FGD4: variants seen among roughly 807,000 people sequenced by gnomAD.
The protein encoded by FGD4 is FYVE, RhoGEF and PH domain-containing protein 4.
In FGD4, 42 loss-of-function variants were observed where a neutral mutation model predicts 102.0. The ratio of observed to expected loss-of-function variants is 0.41; its 90% CI spans 0.32 to 0.53. FGD4 has a LOEUF of 0.53. Ranked by LOEUF, FGD4 falls within the 20% of genes least tolerant of loss-of-function variation. The pLI, the probability that FGD4 is intolerant of heterozygous loss-of-function variation, is 0.21. For synonymous variants in FGD4, 380 were observed against 375.7 expected, an observed-to-expected ratio of 1.01 and a Z score of -0.13; for missense variants, 902 against 1,078.2, an observed-to-expected ratio of 0.84 and a Z score of 2.29.
intron 4 of FGD4, among the ~76,000 whole-genome samples, chr12:32,595,853 A>G (rs1947849459): frequency 2.0e-5 from 3 of 152,198 alleles, no homozygotes; most frequent in South Asian, 2.1e-4. Context: ...AAACACTATT[A>G]TATTGCTATA....
At chr12:32,447,731 G>A (rs965888862) in intron 1 of FGD4, among the ~76,000 whole-genome samples, 3 of 152,222 alleles carry the variant, frequency 2.0e-5, no homozygotes, top group African/African-American at 4.8e-5. Flanking sequence ...TTAGAGAAGT[G>A]TAACTTGGTT....
At chr12:32,520,425 GT>G (rs572548423) in intron 1 of FGD4, among the ~76,000 whole-genome samples, 19 of 111,412 alleles carry the variant, frequency 1.7e-4, no homozygotes, top group Admixed American at 5.5e-4. Flanking sequence ...TCTATTGTGG[GT>G]TTTTTTGTTT....
intron 1 of FGD4, among the ~76,000 whole-genome samples, chr12:32,411,819 A>G (rs1941224570): frequency 6.6e-6 from 1 of 152,158 alleles, no homozygotes; most frequent in Non-Finnish European, 1.5e-5. Flanking sequence ...TACTAAAAGT[A>G]CAAAAATTCA....
At chr12:32,558,721 A>G (rs1011559238) in intron 1 of FGD4, among the ~76,000 whole-genome samples, 1 of 152,272 alleles carries the variant, frequency 6.6e-6, no homozygotes, top group African/African-American at 2.4e-5. Flanking sequence ...AAAAAGACAG[A>G]TAAAGGAAAG....
rs764106230 is a variant in FGD4, at chr12:32,599,534, C to CTTTTTTTTTTTTTTTTTTTTTTTTTT, written c.1101+953_1101+978dup. Among the ~76,000 whole-genome samples, 6 of 35,352 alleles carry CTTTTTTTTTTTTTTTTTTTTTTTTTT rather than the reference C, an allele frequency of 1.7e-4. 1 individual carries two copies. Among genetic ancestry groups the CTTTTTTTTTTTTTTTTTTTTTTTTTT allele is most frequent in the African/African-American group, 2.5e-4 (2 of 7,900 alleles). The allele number at this position is 35,352 out of a possible 152,430, so 23.2% of individuals were successfully genotyped here. ...GAATAACTTTTGAAAACTAAGGCAT[C>CTTTTTTTTTTTTTTTTTTTTTTTTTT]TTTTTTTTTTTTTTTTTTTTTTTTT... On this transcript the variant is annotated intron_variant, in intron 5 of 16. Transcript: ENST00000534526.
intron 15 of FGD4, among the ~76,000 whole-genome samples, chr12:32,637,048 C>CTTTTT (rs920177828): frequency 4.6e-5 from 4 of 86,406 alleles, no homozygotes; most frequent in African/African-American, 1.3e-4. Context: ...TTTTTTTCTT[C>CTTTTT]TTTTTTTTTT....
rs764489415 is a variant in FGD4, at chr12:32,601,376, C to T, written c.1200C>T (p.Phe400=). 2.7e-5 allele frequency: 44 copies of T among 1,613,948 alleles called. No individual in the cohort carries two copies. In the South Asian group the frequency reaches 4.7e-4, roughly 17 times the overall value. ...CTAATATTTCATCAATAAATGCCTT[C>T]CATAGTAAATTCCTCTTGCCAGAGC... ...IFSNISSINA[F]HSKFLLPELE... The change falls in exon 6 of 17, where the codon TTC becomes TTT. Residue 400 remains phenylalanine, a synonymous_variant. Transcript: ENST00000534526.
chr12:32,629,465 G>A lies in FGD4; in HGVS notation c.2172+3686G>A, dbSNP rs549671243. Among the ~76,000 whole-genome samples the A allele has an allele frequency of 3.9e-5, 6 of 152,192 alleles. No individual in the cohort carries two copies. In the East Asian group the frequency reaches 9.6e-4, roughly 24 times the overall value. On this transcript the variant is annotated intron_variant, in intron 14 of 16. Transcript: ENST00000534526. ...AGTTTCTCAATTACCCTGTGAGGAA[G>A]GTTCTATTTTCTCCATTATATAATT...
intron 1 of FGD4, among the ~76,000 whole-genome samples, chr12:32,452,626 G>T (rs1017022716): frequency 6.6e-6 from 1 of 152,160 alleles, no homozygotes; most frequent in African/African-American, 2.4e-5. Flanking sequence ...CATTCTCCTT[G>T]CTTTGAATTC....
chr12:32,399,735 G>A lies in FGD4; in HGVS notation c.-59G>A. ...GGCATGCAGGCGACGCCCCCCAGGGGCCGCTCGCGGCTGGACGGGAGCGGG... is the reference window on the plus strand; with the variant it reads ...GGCATGCAGGCGACGCCCCCCAGGGACCGCTCGCGGCTGGACGGGAGCGGG... On this transcript the variant is annotated 5_prime_UTR_variant, in exon 1 of 17. Coordinates refer to ENST00000534526, the MANE Select transcript of FGD4 (RefSeq NM_001370298.3). The A allele has an allele frequency of 6.6e-7, 1 of 1,512,744 alleles. No homozygotes were observed. Among genetic ancestry groups the A allele is most frequent in the Non-Finnish European group, 8.8e-7 (1 of 1,138,346 alleles). The allele number at this position is 1,512,744 out of a possible 1,614,324, so 93.7% of individuals were successfully genotyped here.
intron 1 of FGD4, among the ~76,000 whole-genome samples, chr12:32,422,033 A>G (rs1941645796): frequency 6.6e-6 from 1 of 150,616 alleles, no homozygotes; most frequent in Admixed American, 6.6e-5. Flanking sequence ...AGTCCCAGCT[A>G]CTCGGGAGGC....
chr12:32,552,956 T>A (rs1038837500), intron 1 of FGD4, among the ~76,000 whole-genome samples: 7 of 148,596 alleles, frequency 4.7e-5, no homozygotes, highest in Non-Finnish European at 1.0e-4. Context: ...TTTTTTTTTT[T>A]TTTTTTTTTG....
At chr12:32,515,757 A>G (rs1419513899) in intron 1 of FGD4, among the ~76,000 whole-genome samples, 1 of 152,194 alleles carries the variant, frequency 6.6e-6, no homozygotes, top group African/African-American at 2.4e-5. Flanking sequence ...TACATAAGTG[A>G]TAAAAGAGAC....
chr12:32,424,408 T>A (rs1349393875), intron 1 of FGD4, among the ~76,000 whole-genome samples: 1 of 152,230 alleles, frequency 6.6e-6, no homozygotes, highest in Non-Finnish European at 1.5e-5. Context: ...CTCATTCTTT[T>A]TTTATGGCTG....
intron 5 of FGD4, among the ~76,000 whole-genome samples, chr12:32,598,881 G>A (rs1042955731): frequency 1.3e-5 from 2 of 152,054 alleles, no homozygotes; most frequent in African/African-American, 4.8e-5. Context: ...GTCATCCTGG[G>A]GACCATGTTA....
At chr12:32,603,851 C>T (rs538528458) in intron 7 of FGD4, among the ~76,000 whole-genome samples, 14 of 152,070 alleles carry the variant, frequency 9.2e-5, no homozygotes, top group East Asian at 3.9e-4. Flanking sequence ...TACAGGCATG[C>T]GCCACCACCC....
intron 10 of FGD4, among the ~76,000 whole-genome samples, chr12:32,614,143 C>G (rs1283623002): frequency 6.6e-6 from 1 of 152,146 alleles, no homozygotes; most frequent in African/African-American, 2.4e-5. Flanking sequence ...GTTCATCTTG[C>G]ACAAGTCTGA....
chr12:32,589,825 T>C (rs542576449), intron 4 of FGD4, among the ~76,000 whole-genome samples: 131 of 150,112 alleles, frequency 8.7e-4, no homozygotes, highest in Admixed American at 9.4e-4. Flanking sequence ...TGCAGTGAGC[T>C]GAGATTGTGC....
intron 1 of FGD4, among the ~76,000 whole-genome samples, chr12:32,523,462 C>G (rs1301605882): frequency 6.6e-6 from 1 of 152,186 alleles, no homozygotes; most frequent in Non-Finnish European, 1.5e-5. Flanking sequence ...GCTAGCAATA[C>G]ATGACAACCT....
Sources: gnomAD v4.1 joint callset for allele counts (sites outside exome capture counted in the v4.1 genomes callset) on GRCh38, gnomAD v4.1.1 for gene constraint, MANE v1.5 for transcripts, NCBI Gene and HGNC (gene_info 2026-07-23, HGNC 2026-07-21) for gene names.